SLC39A11: variants seen among roughly 807,000 people sequenced by gnomAD.
The protein encoded by SLC39A11 is solute carrier family 39 member 11.
Under a neutral mutation model 36.1 loss-of-function variants are expected in SLC39A11, and 33 were observed. The observed-to-expected ratio is 0.91, with a 90% confidence interval of 0.69 to 1.22. The LOEUF (loss-of-function observed/expected upper bound fraction) is 1.22. Among genes scored for constraint, SLC39A11 ranks in the 50% most tolerant of loss-of-function variants. The probability of loss-of-function intolerance (pLI) is 0.00; values close to 1 mark genes in which losing one functional copy is unlikely to be tolerated. For synonymous variants in SLC39A11, 166 were observed against 170.3 expected (o/e 0.97, Z 0.20); for missense variants, 432 against 430.3 (o/e 1.00, Z -0.03).
At chr17:72,983,800 G>T (rs1008087502) in intron 4 of SLC39A11, among the ~76,000 whole-genome samples, 3 of 152,198 alleles carry the variant, frequency 2.0e-5, no homozygotes, top group African/African-American at 7.2e-5. Flanking sequence ...CCAACGGTGA[G>T]AACGAAGTCG....
At chr17:72,716,024 A>G (rs2073347100) in intron 7 of SLC39A11, among the ~76,000 whole-genome samples, 1 of 152,074 alleles carries the variant, frequency 6.6e-6, no homozygotes, top group Non-Finnish European at 1.5e-5. Flanking sequence ...TCAATTTTTA[A>G]GTGCACAGAC....
At chr17:72,657,218 G>A (rs1047277775) in intron 7 of SLC39A11, among the ~76,000 whole-genome samples, 2 of 152,088 alleles carry the variant, frequency 1.3e-5, no homozygotes, top group African/African-American at 4.8e-5. Flanking sequence ...AAATTAGCCA[G>A]GCATGGTGGT....
At chr17:72,765,082 T>C (rs2075716497) in intron 6 of SLC39A11, among the ~76,000 whole-genome samples, 1 of 152,098 alleles carries the variant, frequency 6.6e-6, no homozygotes, top group African/African-American at 2.4e-5. Flanking sequence ...GATCATCAAA[T>C]TAGGAGGATG....
intron 7 of SLC39A11, among the ~76,000 whole-genome samples, chr17:72,729,528 G>A (rs1212078057): frequency 7.6e-6 from 1 of 131,688 alleles, no homozygotes; most frequent in Non-Finnish European, 1.6e-5. Context: ...GAACTCCTGG[G>A]CTCAAGCAAC....
At chr17:72,838,576 T>C (rs890999439) in intron 6 of SLC39A11, among the ~76,000 whole-genome samples, 1 of 152,184 alleles carries the variant, frequency 6.6e-6, no homozygotes, top group African/African-American at 2.4e-5. Flanking sequence ...ATGTGAATCA[T>C]ATCACATTCT....
At chr17:72,883,438 C>T (rs1201672109) in intron 5 of SLC39A11, among the ~76,000 whole-genome samples, 9 of 151,788 alleles carry the variant, frequency 5.9e-5, no homozygotes, top group Admixed American at 5.2e-4. Context: ...TGAGGTACCT[C>T]CTGGGTAGTA....
At chr17:73,079,196 C>T (rs2060433479) in intron 3 of SLC39A11, among the ~76,000 whole-genome samples, 1 of 152,126 alleles carries the variant, frequency 6.6e-6, no homozygotes, top group South Asian at 2.1e-4. Flanking sequence ...CTCCCCGGTT[C>T]AAGCAATTCT....
chr17:72,754,037 T>TACACAC (rs1481388598), intron 6 of SLC39A11, among the ~76,000 whole-genome samples: 4 of 119,604 alleles, frequency 3.3e-5, no homozygotes, highest in South Asian at 2.7e-4. Flanking sequence ...TATATATATA[T>TACACAC]ATATATATAC....
At chr17:72,852,856 G>C (rs766122001) in intron 5 of SLC39A11, among the ~76,000 whole-genome samples, 3 of 152,164 alleles carry the variant, frequency 2.0e-5, no homozygotes, top group Non-Finnish European at 4.4e-5. Flanking sequence ...GAACTAACCT[G>C]GGTCATGGTG....
At chr17:72,777,172 T>G (rs1000143703) in intron 6 of SLC39A11, among the ~76,000 whole-genome samples, 1 of 152,146 alleles carries the variant, frequency 6.6e-6, no homozygotes, top group Non-Finnish European at 1.5e-5. Context: ...CCTATCGAAC[T>G]ATGTGCATTT....
At chr17:72,822,305 A>G (rs1288438311) in intron 6 of SLC39A11, among the ~76,000 whole-genome samples, 2 of 147,366 alleles carry the variant, frequency 1.4e-5, no homozygotes, top group East Asian at 3.9e-4. Flanking sequence ...TAATATATAT[A>G]GAGAGATATA....
intron 7 of SLC39A11, among the ~76,000 whole-genome samples, chr17:72,695,523 G>A (rs1248414371): frequency 2.6e-5 from 4 of 152,222 alleles, no homozygotes; most frequent in African/African-American, 9.6e-5. Context: ...TTTCCTTTGG[G>A]AGAAATCTCA....
chr17:72,868,124 C>T (rs1349426781), intron 5 of SLC39A11, among the ~76,000 whole-genome samples: 1 of 152,214 alleles, frequency 6.6e-6, no homozygotes, highest in Non-Finnish European at 1.5e-5. Flanking sequence ...ATGAATCGTT[C>T]GCTGCTCAAA....
chr17:72,932,135 T>C (rs979213885), intron 5 of SLC39A11, among the ~76,000 whole-genome samples: 2 of 152,016 alleles, frequency 1.3e-5, no homozygotes, highest in Admixed American at 1.3e-4. Context: ...GAGCATACAA[T>C]ATACTAGGCA....
intron 5 of SLC39A11, among the ~76,000 whole-genome samples, chr17:72,894,302 C>T (rs562924569): frequency 1.5e-5 from 2 of 132,584 alleles, no homozygotes; most frequent in African/African-American, 5.9e-5. Flanking sequence ...GCGGAGGTTG[C>T]AGCACACCAG....
chr17:72,687,296 C>T (rs1349768095), intron 7 of SLC39A11, among the ~76,000 whole-genome samples: 1 of 152,146 alleles, frequency 6.6e-6, no homozygotes, highest in South Asian at 2.1e-4. Context: ...CGCTCTGTTG[C>T]CCAGGCTGGA....
intron 6 of SLC39A11, among the ~76,000 whole-genome samples, chr17:72,765,226 T>G (rs2075721101): frequency 6.6e-6 from 1 of 152,104 alleles, no homozygotes; most frequent in East Asian, 1.9e-4. Flanking sequence ...TCTTTTCTGG[T>G]TTTGACATTT....
At chr17:72,659,225 G>A (rs1159586474) in intron 7 of SLC39A11, among the ~76,000 whole-genome samples, 3 of 152,202 alleles carry the variant, frequency 2.0e-5, no homozygotes, top group African/African-American at 7.2e-5. Flanking sequence ...AGACCTGCCT[G>A]CAAATGACTC....
intron 4 of SLC39A11, among the ~76,000 whole-genome samples, chr17:72,980,104 G>A (rs1360570822): frequency 6.6e-6 from 1 of 152,106 alleles, no homozygotes. Context: ...CGGGACCCAG[G>A]TGCTTATTTA....
Sources: gnomAD v4.1 joint callset for allele counts (sites outside exome capture counted in the v4.1 genomes callset) on GRCh38, gnomAD v4.1.1 for gene constraint, MANE v1.5 for transcripts, NCBI Gene and HGNC (gene_info 2026-07-23, HGNC 2026-07-21) for gene names.